The following KCNN2 variants were observed in gnomAD, a reference collection of about 807,000 sequenced individuals.
The protein encoded by KCNN2 is potassium calcium-activated channel subfamily N member 2, also known as small conductance calcium-activated potassium channel protein 2.
In KCNN2, 24 loss-of-function variants were observed where a neutral mutation model predicts 55.5. The observed-to-expected ratio is 0.43, with a 90% confidence interval of 0.31 to 0.61. The LOEUF (loss-of-function observed/expected upper bound fraction) is 0.61. KCNN2 is among the 20% of genes least tolerant of loss of function. The pLI is 0.08. For missense variants in KCNN2, 754 were observed against 853.6 expected (o/e 0.88, Z 1.45); for synonymous variants, 431 against 336.1 (o/e 1.28, Z -3.09).
At position 114,398,446 on chromosome 5, in the gene KCNN2, A is replaced by G. The variant is rs528517733; in HGVS notation, c.1219-5992A>G. On this transcript the variant is annotated intron_variant, in intron 2 of 7. Coordinates refer to ENST00000673685, the MANE Select transcript of KCNN2 (RefSeq NM_021614.4). ...TTGGGTTACTGTAGCCTTGTAGTATAGTTTGAAGTCAGGTAATGTGATGCT... is the reference window on the plus strand; with the variant it reads ...TTGGGTTACTGTAGCCTTGTAGTATGGTTTGAAGTCAGGTAATGTGATGCT... 2.7e-5 allele frequency among the ~76,000 whole-genome samples: 4 copies of G among 148,472 alleles called. No homozygotes were observed. In the East Asian group the frequency reaches 7.8e-4, roughly 29 times the overall value.
At chr5:114,371,918 A>C (rs1312843118) in intron 2 of KCNN2, among the ~76,000 whole-genome samples, 3 of 152,146 alleles carry the variant, frequency 2.0e-5, no homozygotes, top group African/African-American at 7.2e-5. Flanking sequence ...TATTAGTCTA[A>C]AATGGTCATT....
chr5:114,444,480 G>A (rs1356546343), intron 3 of KCNN2, among the ~76,000 whole-genome samples: 2 of 152,088 alleles, frequency 1.3e-5, no homozygotes, highest in Non-Finnish European at 2.9e-5. Flanking sequence ...CTGGAGCTTA[G>A]GGTGCAAGTT....
At chr5:114,442,667 C>T (rs1366622933) in intron 3 of KCNN2, among the ~76,000 whole-genome samples, 1 of 152,118 alleles carries the variant, frequency 6.6e-6, no homozygotes, top group East Asian at 1.9e-4. Context: ...AAGACTCAGA[C>T]CATAAACCTG....
At chr5:114,182,480 A>G (rs1753259390) in intron 1 of KCNN2, among the ~76,000 whole-genome samples, 2 of 152,098 alleles carry the variant, frequency 1.3e-5, no homozygotes, top group South Asian at 4.1e-4. Context: ...ACATCTTAAC[A>G]ATATTGAGCC....
chr5:114,484,420 C>G (rs764495064), intron 5 of KCNN2, among the ~76,000 whole-genome samples: 5 of 152,138 alleles, frequency 3.3e-5, no homozygotes, highest in South Asian at 2.1e-4. Context: ...CATTACTACA[C>G]AATGTATTCA....
chr5:114,190,845 G>C (rs1753435743), intron 1 of KCNN2, among the ~76,000 whole-genome samples: 1 of 152,136 alleles, frequency 6.6e-6, no homozygotes, highest in Non-Finnish European at 1.5e-5. Flanking sequence ...CTAAATGCTT[G>C]TAGTGATTTT....
intron 2 of KCNN2, among the ~76,000 whole-genome samples, chr5:114,275,124 G>A (rs1755456795): frequency 6.6e-6 from 1 of 152,140 alleles, no homozygotes; most frequent in African/African-American, 2.4e-5. Context: ...CTGTTTATGT[G>A]ATGGATTACA....
chr5:114,200,763 A>G (rs1171184189), intron 1 of KCNN2, among the ~76,000 whole-genome samples: 1 of 151,286 alleles, frequency 6.6e-6, no homozygotes, highest in Non-Finnish European at 1.5e-5. Context: ...GTAGTGTGAT[A>G]TTTGCGTGAG....
At chr5:114,241,780 A>G (rs1422429543) in intron 2 of KCNN2, among the ~76,000 whole-genome samples, 5,794 of 23,030 alleles carry the variant, frequency 0.25, 1,782 homozygotes, top group South Asian at 0.39. Context: ...ATATACATAT[A>G]TACGTATATA....
intron 3 of KCNN2, among the ~76,000 whole-genome samples, chr5:114,451,880 G>C (rs1760707096): frequency 6.7e-6 from 1 of 148,710 alleles, no homozygotes; most frequent in South Asian, 2.1e-4. Flanking sequence ...CTGGGTGACA[G>C]AGCAAGACAC....
At chr5:114,122,230 TA>T (rs1751842557) in intron 1 of KCNN2, among the ~76,000 whole-genome samples, 1 of 152,140 alleles carries the variant, frequency 6.6e-6, no homozygotes. Context: ...AGAATCTGAA[TA>T]GGTTTGAAGA....
intron 3 of KCNN2, among the ~76,000 whole-genome samples, chr5:114,449,091 C>T (rs1176184520): frequency 6.6e-6 from 1 of 152,142 alleles, no homozygotes; most frequent in Non-Finnish European, 1.5e-5. Flanking sequence ...CGATCGTGAG[C>T]TTTCTTTTTT....
intron 1 of KCNN2, among the ~76,000 whole-genome samples, chr5:114,109,758 C>A (rs2112581079): frequency 6.6e-6 from 1 of 152,184 alleles, no homozygotes; most frequent in East Asian, 1.9e-4. Context: ...GGTATGCCTC[C>A]TGGCAGATGA....
intron 2 of KCNN2, among the ~76,000 whole-genome samples, chr5:114,261,875 C>T (rs2150004561): frequency 6.6e-6 from 1 of 152,182 alleles, no homozygotes; most frequent in South Asian, 2.1e-4. Context: ...AGAGAGAGCC[C>T]AGGGAGAGCT....
intron 2 of KCNN2, among the ~76,000 whole-genome samples, chr5:114,289,328 A>C (rs1007688739): frequency 6.6e-6 from 1 of 151,258 alleles, no homozygotes; most frequent in East Asian, 1.9e-4. Flanking sequence ...ACCAGTTTCA[A>C]GATTGTTTAG....
At chr5:114,310,892 T>C (rs1756379774) in intron 2 of KCNN2, among the ~76,000 whole-genome samples, 1 of 152,166 alleles carries the variant, frequency 6.6e-6, no homozygotes, top group African/African-American at 2.4e-5. Flanking sequence ...GGAGCGAGTG[T>C]GTACCAGGAA....
intron 1 of KCNN2, among the ~76,000 whole-genome samples, chr5:114,132,306 T>G (rs915455072): frequency 2.4e-4 from 36 of 152,312 alleles, no homozygotes; most frequent in African/African-American, 8.2e-4. Context: ...TTAATTTTTG[T>G]GCAAGGTGTA....
intron 2 of KCNN2, among the ~76,000 whole-genome samples, chr5:114,346,901 G>A (rs1311716790): frequency 6.6e-6 from 1 of 152,088 alleles, no homozygotes; most frequent in Non-Finnish European, 1.5e-5. Context: ...AAAAATAATG[G>A]GGGAATGCCA....
intron 1 of KCNN2, among the ~76,000 whole-genome samples, chr5:114,173,170 T>C (rs1388097901): frequency 6.6e-6 from 1 of 152,030 alleles, no homozygotes; most frequent in Non-Finnish European, 1.5e-5. Context: ...TTCCCAGTGC[T>C]ATTTATTGAA....
Sources: gnomAD v4.1 joint callset for allele counts (sites outside exome capture counted in the v4.1 genomes callset) on GRCh38, gnomAD v4.1.1 for gene constraint, MANE v1.5 for transcripts, NCBI Gene and HGNC (gene_info 2026-07-23, HGNC 2026-07-21) for gene names.